Variants in CDH8 observed in about 807,000 individuals in gnomAD.
CDH8 encodes cadherin 8.
In CDH8, 17 loss-of-function variants were observed where a neutral mutation model predicts 68.1. The ratio of observed to expected loss-of-function variants is 0.25; its 90% CI spans 0.17 to 0.37. The LOEUF (loss-of-function observed/expected upper bound fraction) is 0.37. Ranked by LOEUF, CDH8 falls within the 10% of genes least tolerant of loss-of-function variation. The pLI is 1.00. For synonymous variants in CDH8, 372 were observed against 365.1 expected (o/e 1.02, Z -0.21); for missense variants, 763 against 999.3 (o/e 0.76, Z 3.19).
intron 2 of CDH8, among the ~76,000 whole-genome samples, chr16:62,017,555 T>C (rs1376382270): frequency 1.3e-5 from 2 of 152,104 alleles, no homozygotes; most frequent in Non-Finnish European, 2.9e-5. Flanking sequence ...TGGTGGTGCA[T>C]GATTGTAGTC....
At chr16:62,029,968 A>C (rs1263481071) in intron 1 of CDH8, among the ~76,000 whole-genome samples, 1 of 152,246 alleles carries the variant, frequency 6.6e-6, no homozygotes. Flanking sequence ...GGGGCTTCAG[A>C]GTCTCTTATA....
At chr16:61,945,282 T>C (rs1404957923) in intron 2 of CDH8, among the ~76,000 whole-genome samples, 2 of 152,120 alleles carry the variant, frequency 1.3e-5, no homozygotes, top group Admixed American at 1.3e-4. Context: ...ACTCTATCTT[T>C]GTTAATAGAA....
intron 2 of CDH8, among the ~76,000 whole-genome samples, chr16:61,907,554 C>A (rs1225141213): frequency 6.6e-6 from 1 of 151,930 alleles, no homozygotes; most frequent in Non-Finnish European, 1.5e-5. Context: ...GTGGTGCACG[C>A]CTGCAGTCCC....
At chr16:61,873,994 C>A (rs1008912824) in intron 3 of CDH8, among the ~76,000 whole-genome samples, 2 of 151,976 alleles carry the variant, frequency 1.3e-5, no homozygotes, top group East Asian at 2.0e-4. Flanking sequence ...AGGCGGAGGT[C>A]GTAGTGAGCC....
intron 3 of CDH8, among the ~76,000 whole-genome samples, chr16:61,878,982 A>C (rs1211373930): frequency 6.6e-6 from 1 of 152,148 alleles, no homozygotes. Flanking sequence ...CTATTACTTG[A>C]AGATTTGATC....
chr16:61,943,814 C>T (rs934790265), intron 2 of CDH8, among the ~76,000 whole-genome samples: 2 of 152,058 alleles, frequency 1.3e-5, no homozygotes, highest in Non-Finnish European at 2.9e-5. Context: ...TATTATAGAG[C>T]TCAGAGGCTG....
At chr16:61,831,395 G>C (rs1426615658) in intron 4 of CDH8, among the ~76,000 whole-genome samples, 10 of 151,698 alleles carry the variant, frequency 6.6e-5, no homozygotes, top group African/African-American at 2.4e-4. Context: ...TGATTCTCCT[G>C]TATTTAAGAT....
intron 10 of CDH8, among the ~76,000 whole-genome samples, chr16:61,659,868 C>T (rs1963522591): frequency 6.6e-6 from 1 of 152,122 alleles, no homozygotes; most frequent in Admixed American, 6.6e-5. Flanking sequence ...GGAAACTATT[C>T]TTTCAAAGGA....
intron 8 of CDH8, among the ~76,000 whole-genome samples, chr16:61,784,012 G>A (rs1961162893): frequency 6.6e-6 from 1 of 152,084 alleles, no homozygotes; most frequent in South Asian, 2.1e-4. Flanking sequence ...TCGAGGCTAG[G>A]AAGAAACTGC....
intron 4 of CDH8, among the ~76,000 whole-genome samples, chr16:61,855,379 T>C (rs1339126213): frequency 2.0e-5 from 3 of 152,190 alleles, no homozygotes; most frequent in Non-Finnish European, 2.9e-5. Context: ...CTCATAGTAA[T>C]TTATTCCTAA....
At position 61,962,090 on chromosome 16, in the gene CDH8, G is replaced by A. The variant is rs948730875; in HGVS notation, c.252+59062C>T. ...ATAAGGAAGAGAAAATATATTTACT[G>A]TGCATGAAGTGGAAGTGGATTATCA... On this transcript the variant is annotated intron_variant, in intron 2 of 11. Transcript: ENST00000577390. Among the ~76,000 whole-genome samples, 5 of 152,298 alleles carry A rather than the reference G, an allele frequency of 3.3e-5. No individual in the cohort carries two copies. The South Asian group carries it at 1.0e-3, about 32-fold the overall frequency.
At position 61,821,118 on chromosome 16, in the gene CDH8, A is replaced by T; in HGVS notation, c.836-5T>A. 1 of 1,591,556 alleles carries T rather than the reference A, an allele frequency of 6.3e-7. No individual in the cohort carries two copies. Among genetic ancestry groups the T allele is most frequent in the Non-Finnish European group, 8.6e-7 (1 of 1,167,126 alleles). Reference sequence around the variant, plus strand: ...GTACTGAGAAGTGATACAGGCCTTTAAAAAGAGGAGAAACAATGAGAGTCA... The same window carrying T: ...GTACTGAGAAGTGATACAGGCCTTTTAAAAGAGGAGAAACAATGAGAGTCA... On this transcript the variant is annotated splice_region_variant and splice_polypyrimidine_tract_variant and intron_variant, in intron 5 of 11. Coordinates refer to ENST00000577390, the MANE Select transcript of CDH8 (RefSeq NM_001796.5).
chr16:61,692,699 G>A (rs1399538914), intron 10 of CDH8: 1 of 152,020 alleles, frequency 6.6e-6, no homozygotes, highest in Non-Finnish European at 1.5e-5. Context: ...AACAAGAACA[G>A]TGGATTTCTA....
intron 2 of CDH8, among the ~76,000 whole-genome samples, chr16:61,955,278 A>T (rs2143606975): frequency 6.6e-6 from 1 of 152,350 alleles, no homozygotes; most frequent in Non-Finnish European, 1.5e-5. Flanking sequence ...TGGAGGTATA[A>T]ACAGACCATA....
intron 2 of CDH8, among the ~76,000 whole-genome samples, chr16:61,985,499 G>A (rs1965610517): frequency 6.6e-6 from 1 of 152,094 alleles, no homozygotes; most frequent in Non-Finnish European, 1.5e-5. Flanking sequence ...GAAGTTGGCT[G>A]AGTTTCTTTT....
At chr16:61,907,384 C>T (rs1370328647) in intron 2 of CDH8, among the ~76,000 whole-genome samples, 2 of 152,108 alleles carry the variant, frequency 1.3e-5, no homozygotes, top group African/African-American at 4.8e-5. Context: ...GAAAGTTTCT[C>T]CAAGTACCTA....
At chr16:62,004,592 A>G (rs184359422) in intron 2 of CDH8, among the ~76,000 whole-genome samples, 2 of 150,898 alleles carry the variant, frequency 1.3e-5, no homozygotes. Flanking sequence ...TCAGAAATGT[A>G]TCCTAATCAT....
chr16:61,755,351 A>C (rs62050513), intron 8 of CDH8, among the ~76,000 whole-genome samples: 20,732 of 152,200 alleles, frequency 0.14, 1,775 homozygotes, highest in Middle Eastern at 0.21. Flanking sequence ...TATTTTGTGT[A>C]TATATAGTAT....
At chr16:61,996,711 A>G (rs1023134085) in intron 2 of CDH8, among the ~76,000 whole-genome samples, 1 of 152,180 alleles carries the variant, frequency 6.6e-6, no homozygotes, top group Non-Finnish European at 1.5e-5. Context: ...ATAGTTTATT[A>G]CATCTCTGAT....
Sources: allele counts gnomAD v4.1 joint callset (sites outside exome capture counted in the v4.1 genomes callset), GRCh38; gene constraint gnomAD v4.1.1; transcripts MANE v1.5; gene names NCBI Gene and HGNC (gene_info 2026-07-23, HGNC 2026-07-21).